DNAH5: variants seen among roughly 807,000 people sequenced by gnomAD.
The protein encoded by DNAH5 is axonemal beta dynein heavy chain 5.
In DNAH5, 372 loss-of-function variants were observed where a neutral mutation model predicts 518.2. That is an observed-to-expected ratio of 0.72 (90% CI 0.66 to 0.78). The LOEUF (loss-of-function observed/expected upper bound fraction) is 0.78. Among genes scored for constraint, DNAH5 ranks in the 30% least tolerant of loss-of-function variants. The pLI is 0.00. For synonymous variants in DNAH5, 2,039 were observed against 2,025.9 expected (o/e 1.01, Z -0.17); for missense variants, 5,523 against 5,687.0 (o/e 0.97, Z 0.93).
At chr5:13,781,054 T>A (rs1755048232) in intron 52 of DNAH5, 95 bp from the exon 53 acceptor site, 19 of 1,408,080 alleles carry the variant, frequency 1.3e-5, no homozygotes, top group Non-Finnish European at 1.7e-5. Flanking sequence ...TAATTATTAT[T>A]TTGGAAGATA....
Position 13,883,869 on chromosome 5 carries a change from T to C in DNAH5, c.2984-775A>G, listed in dbSNP as rs576949922. ...GCCATGGCACCAAACAAAAAAAAAATCTTTCAGAGTTTCCACTTTTATTTA... is the reference window on the plus strand; with the variant it reads ...GCCATGGCACCAAACAAAAAAAAAACCTTTCAGAGTTTCCACTTTTATTTA... On this transcript the variant is annotated intron_variant, in intron 19 of 78. Coordinates refer to ENST00000265104, the MANE Select transcript of DNAH5 (RefSeq NM_001369.3). Among the ~76,000 whole-genome samples, 73 of 152,002 alleles carry C rather than the reference T, an allele frequency of 4.8e-4. 2 individuals carry two copies. In the South Asian group the frequency reaches 0.014, roughly 29 times the overall value.
intron 1 of DNAH5, among the ~76,000 whole-genome samples, chr5:13,941,473 T>C (rs1779453709): frequency 1.3e-5 from 2 of 152,216 alleles, no homozygotes; most frequent in Admixed American, 1.3e-4. Flanking sequence ...ATGTGAAATT[T>C]GTTGACTTGG....
At chr5:13,866,099 A>C (rs1769202124) in intron 26 of DNAH5, 121 bp downstream of exon 26, 1 of 959,610 alleles carries the variant, frequency 1.0e-6, no homozygotes, top group African/African-American at 1.7e-5. Flanking sequence ...CGTATTTTTA[A>C]TGCAAGTACA....
intron 72 of DNAH5, among the ~76,000 whole-genome samples, 177 bp from the exon 73 acceptor site, chr5:13,717,697 C>T (rs2126511017): frequency 6.6e-6 from 1 of 152,264 alleles, no homozygotes; most frequent in South Asian, 2.1e-4. Flanking sequence ...GAGGCCATTT[C>T]TCTCTGAAAA....
chr5:13,828,916 T>C (rs996749347), intron 38 of DNAH5, among the ~76,000 whole-genome samples: 1 of 152,208 alleles, frequency 6.6e-6, no homozygotes, highest in African/African-American at 2.4e-5. Flanking sequence ...ACAGACACCA[T>C]GTAGTAATAA....
chr5:13,851,400 T>G (rs999951287), intron 30 of DNAH5, among the ~76,000 whole-genome samples: 2 of 152,126 alleles, frequency 1.3e-5, no homozygotes, highest in African/African-American at 4.8e-5. Context: ...CTTGATTTCC[T>G]GGGCTCAAGT....
At chr5:13,941,715 G>A (rs997086414) in intron 1 of DNAH5, among the ~76,000 whole-genome samples, 1 of 152,236 alleles carries the variant, frequency 6.6e-6, no homozygotes, top group Non-Finnish European at 1.5e-5. Flanking sequence ...ACCCACAAGA[G>A]ATTCACTGTT....
chr5:13,925,336 C>T (rs1777756742), intron 3 of DNAH5, among the ~76,000 whole-genome samples: 1 of 152,196 alleles, frequency 6.6e-6, no homozygotes, highest in East Asian at 1.9e-4. Flanking sequence ...TAGACATCTT[C>T]TCCCTGGCCC....
intron 40 of DNAH5, 104 bp from the exon 41 acceptor site, chr5:13,820,603 T>A: frequency 4.5e-6 from 6 of 1,345,054 alleles, no homozygotes; most frequent in Non-Finnish European, 6.3e-6. Context: ...GGCGGGCAGA[T>A]CACAAGGTCA....
At position 13,762,888 on chromosome 5, in the gene DNAH5, T is replaced by C; in HGVS notation, c.10115A>G (p.Asp3372Gly). ...TTCTATCACCTCTTCATTGATTGTG[T>C]CTTTTGGGAATTGCTATGGAAGAAA... ...FLQNLQQFPK[D>G]TINEEVIEFL... Residue 3372 changes from aspartate to glycine, a missense_variant, in exon 60 of 79, where the codon GAC (aspartate) becomes GGC (glycine). Asp to Gly is a moderately conservative substitution (Grantham distance 94, BLOSUM62 -1). This residue lies in a region of DNAH5 where 5,121 missense variants were observed against 5,223.3 expected (regional missense o/e 0.98). Coordinates refer to ENST00000265104, the MANE Select transcript of DNAH5 (RefSeq NM_001369.3). 1.2e-6 allele frequency: 2 copies of C among 1,613,840 alleles called. No individual in the cohort carries two copies. Among genetic ancestry groups the C allele is most frequent in the Non-Finnish European group, 1.7e-6 (2 of 1,179,762 alleles).
chr5:13,980,895 G>GATC (rs1338684753), intron 1 of DNAH5, among the ~76,000 whole-genome samples: 30 of 152,170 alleles, frequency 2.0e-4, no homozygotes, highest in Non-Finnish European at 4.1e-4. Flanking sequence ...TAGGCCACAG[G>GATC]ACCTTTGCAT....
chr5:13,862,864 A>G, intron 28 of DNAH5, 117 bp from the exon 29 acceptor site: 2 of 317,870 alleles, frequency 6.3e-6, no homozygotes, highest in Non-Finnish European at 1.1e-5. Flanking sequence ...ATATATATAT[A>G]AACTTTTATA....
rs375467545 is a variant in DNAH5 at position 13,751,036 on chromosome 5, A to G, written c.11211+42T>C. 7.8e-5 allele frequency: 124 copies of G among 1,599,900 alleles called. No homozygotes were observed. The highest frequency in any genetic ancestry group is 1.0e-4 in the Non-Finnish European group (121 of 1,167,512). ...CTTATTTTTGTCAATGAAATATGACATTAAAGCAATGCAGAATGGGAGGGA... is the reference window on the plus strand; with the variant it reads ...CTTATTTTTGTCAATGAAATATGACGTTAAAGCAATGCAGAATGGGAGGGA... On this transcript the variant is annotated intron_variant, in intron 65 of 78. Coordinates refer to ENST00000265104, the MANE Select transcript of DNAH5 (RefSeq NM_001369.3).
chr5:13,945,807 A>G (rs777348296), upstream of DNAH5, among the ~76,000 whole-genome samples: 7 of 151,994 alleles, frequency 4.6e-5, no homozygotes, highest in Non-Finnish European at 1.0e-4. Context: ...GTTTGGCCAC[A>G]TTGCCCAGGC....
At chr5:13,854,448 G>A (rs1049627581) in intron 30 of DNAH5, among the ~76,000 whole-genome samples, 2 of 152,178 alleles carry the variant, frequency 1.3e-5, no homozygotes, top group Non-Finnish European at 2.9e-5. Context: ...ATATTATGAA[G>A]AAACTGCATC....
chr5:13,792,294 G>A lies in DNAH5; in HGVS notation c.8225-77C>T, dbSNP rs529294202. 2.7e-4 allele frequency: 339 copies of A among 1,271,090 alleles called. 2 individuals are homozygous for A. In the African/African-American group the frequency reaches 4.3e-3, roughly 16 times the overall value. The allele number at this position is 1,271,090 out of a possible 1,614,324, so 78.7% of individuals were successfully genotyped here. ...TGAAAATGAAAAGCATTATAGCATA[G>A]GGTTTGCAAAAATGTCATTATACAT... On this transcript the variant is annotated intron_variant, in intron 49 of 78. Transcript: ENST00000265104.
At chr5:13,880,150 T>C (rs990269406) in intron 21 of DNAH5, among the ~76,000 whole-genome samples, 6 of 152,150 alleles carry the variant, frequency 3.9e-5, no homozygotes, top group Non-Finnish European at 7.4e-5. Context: ...TGAAGTGATA[T>C]ATTCAAAATA....
chr5:13,882,581 T>C (rs1771820600), intron 21 of DNAH5, 147 bp downstream of exon 21: 1 of 690,088 alleles, frequency 1.4e-6, no homozygotes, highest in Non-Finnish European at 2.5e-6. Context: ...TACGTGGACC[T>C]TGATATTTTG....
intron 47 of DNAH5, among the ~76,000 whole-genome samples, chr5:13,803,612 G>A (rs567961840): frequency 2.0e-5 from 3 of 152,276 alleles, no homozygotes; most frequent in Non-Finnish European, 2.9e-5. Context: ...AGTCTTAACC[G>A]TAAAACCTGA....
Sources: gnomAD v4.1 joint callset for allele counts (sites outside exome capture counted in the v4.1 genomes callset) on GRCh38, gnomAD v4.1.1 for gene constraint, gnomAD v4.1.1 regional missense constraint, MANE v1.5 for transcripts, NCBI Gene and HGNC (gene_info 2026-07-23, HGNC 2026-07-21) for gene names.